The following CSMD1 variants were observed in gnomAD, a reference collection of about 807,000 sequenced individuals.
CSMD1 encodes the protein CUB and sushi domain-containing protein 1.
CSMD1 carries 213 observed loss-of-function variants against 417.5 expected under a neutral mutation model. The ratio of observed to expected loss-of-function variants is 0.51; its 90% CI spans 0.46 to 0.57. The LOEUF (loss-of-function observed/expected upper bound fraction) is 0.57. CSMD1 is among the 20% of genes least tolerant of loss of function. CSMD1 has a pLI of 0.00. For missense variants in CSMD1, 6,923 were observed against 4,529.7 expected, an observed-to-expected ratio of 1.53 and a Z score of -15.17; for synonymous variants, 2,862 against 1,736.8, an observed-to-expected ratio of 1.65 and a Z score of -16.11.
chr8:3,476,731 A>G lies in CSMD1; in HGVS notation c.1449-7907T>C, dbSNP rs141046620. 1.9e-3 allele frequency among the ~76,000 whole-genome samples: 291 copies of G among 152,070 alleles called. 1 individual carries two copies. Among genetic ancestry groups the G allele is most frequent in the Non-Finnish European group, 3.2e-3 (215 of 68,004 alleles). The stretch of plus-strand genomic sequence containing the variant: ...TCAGGAGTTCGAGACCAGCCTGGCC[A>G]ACATGATCAAACTCCATCTCTACTA... On this transcript the variant is annotated intron_variant, in intron 11 of 69. Coordinates refer to ENST00000635120, the MANE Select transcript of CSMD1 (RefSeq NM_033225.6).
At chr8:3,972,791 A>C (rs1191580815) in intron 5 of CSMD1, among the ~76,000 whole-genome samples, 1 of 152,218 alleles carries the variant, frequency 6.6e-6, no homozygotes, top group African/African-American at 2.4e-5. Flanking sequence ...ACATTTTAGG[A>C]ATCTATTTTA....
chr8:4,384,698 C>A (rs780472631), intron 3 of CSMD1, among the ~76,000 whole-genome samples: 1 of 152,070 alleles, frequency 6.6e-6, no homozygotes, highest in Non-Finnish European at 1.5e-5. Context: ...GTGGGCCTTT[C>A]CCAGGGCCAA....
intron 36 of CSMD1, among the ~76,000 whole-genome samples, chr8:3,185,554 A>C (rs1317076161): frequency 6.6e-6 from 1 of 152,230 alleles, no homozygotes; most frequent in Non-Finnish European, 1.5e-5. Flanking sequence ...CTCTTTTGAA[A>C]AATTAACCTA....
At chr8:3,230,012 A>G in intron 27 of CSMD1, 28 bp downstream of exon 27, 1 of 1,467,182 alleles carries the variant, frequency 6.8e-7, no homozygotes, top group Non-Finnish European at 9.1e-7. Flanking sequence ...TCCTGAATAT[A>G]AAATTTCTAA....
intron 18 of CSMD1, among the ~76,000 whole-genome samples, chr8:3,377,103 G>A (rs1223505485): frequency 3.3e-5 from 5 of 151,962 alleles, no homozygotes; most frequent in Non-Finnish European, 7.4e-5. Flanking sequence ...TGACCACCTG[G>A]GCTCAAGTGA....
At chr8:4,856,200 A>C (rs1461687257) in intron 1 of CSMD1, among the ~76,000 whole-genome samples, 2 of 66,442 alleles carry the variant, frequency 3.0e-5, no homozygotes, top group African/African-American at 8.1e-5. Context: ...AATCCTTTGC[A>C]GACAAGCAAA....
At chr8:4,582,162 G>C (rs544897970) in intron 2 of CSMD1, among the ~76,000 whole-genome samples, 1 of 151,866 alleles carries the variant, frequency 6.6e-6, no homozygotes, top group Admixed American at 6.6e-5. Flanking sequence ...TGGCATGTCT[G>C]TAGTGAAAAT....
At chr8:4,420,202 T>C (rs1797169607) in intron 2 of CSMD1, 137 bp from the exon 3 acceptor site, 2 of 531,212 alleles carry the variant, frequency 3.8e-6, no homozygotes, top group Non-Finnish European at 6.8e-6. Context: ...AGATAATCCA[T>C]ACACATAGCT....
At chr8:3,995,543 G>A (rs185022357) in intron 5 of CSMD1, among the ~76,000 whole-genome samples, 1 of 152,160 alleles carries the variant, frequency 6.6e-6, no homozygotes, top group Non-Finnish European at 1.5e-5. Flanking sequence ...ACTGACTGAG[G>A]GGCTATACAT....
intron 17 of CSMD1, among the ~76,000 whole-genome samples, chr8:3,394,021 T>A (rs1185906771): frequency 0.32 from 31,844 of 100,828 alleles, 6,377 homozygotes; most frequent in African/African-American, 0.4. Flanking sequence ...ATTATATATA[T>A]ATATATATAT....
Position 4,669,839 on chromosome 8 carries a change from T to C in CSMD1, c.86-32281A>G, listed in dbSNP as rs145297350. On this transcript the variant is annotated intron_variant, in intron 1 of 69. Transcript: ENST00000635120. The stretch of plus-strand genomic sequence containing the variant: ...TTGGAAAGACATCCAAGAAGAATGG[T>C]TTCTTAGCCAAATCACAGAACTCCT... Among the ~76,000 whole-genome samples, 678 of 152,272 alleles carry C rather than the reference T, an allele frequency of 4.5e-3. 4 individuals carry two copies. The highest frequency in any genetic ancestry group is 0.016 in the African/African-American group (661 of 41,550).
At chr8:3,993,161 T>C (rs993121491) in intron 5 of CSMD1, among the ~76,000 whole-genome samples, 5 of 152,228 alleles carry the variant, frequency 3.3e-5, no homozygotes, top group Non-Finnish European at 7.3e-5. Context: ...TTATGTAAGA[T>C]GTTCACATGA....
intron 10 of CSMD1, among the ~76,000 whole-genome samples, chr8:3,526,349 T>G (rs184149594): frequency 6.6e-6 from 1 of 152,246 alleles, no homozygotes; most frequent in East Asian, 1.9e-4. Context: ...ACACTCCAAA[T>G]CCCTTTGGTG....
intron 25 of CSMD1, among the ~76,000 whole-genome samples, chr8:3,300,206 G>T (rs1804280897): frequency 6.6e-6 from 1 of 151,974 alleles, no homozygotes; most frequent in Non-Finnish European, 1.5e-5. Flanking sequence ...TAAATGTTCA[G>T]AATAACATGG....
chr8:3,167,077 G>C lies in CSMD1; in HGVS notation c.5726-4800C>G, dbSNP rs373283514. ...CAAGGCAGGTGGATCACAAGGTCAAGAGTTCCAGAGCAGCCTGGTCAACAT... is the reference window on the plus strand; with the variant it reads ...CAAGGCAGGTGGATCACAAGGTCAACAGTTCCAGAGCAGCCTGGTCAACAT... On this transcript the variant is annotated intron_variant, in intron 37 of 69. Coordinates refer to ENST00000635120, the MANE Select transcript of CSMD1 (RefSeq NM_033225.6). Among the ~76,000 whole-genome samples the C allele has an allele frequency of 2.6e-5, 4 of 152,274 alleles. No homozygotes were observed. In the East Asian group the frequency reaches 7.7e-4, roughly 29 times the overall value.
chr8:3,595,511 G>A (rs903017877), intron 8 of CSMD1, among the ~76,000 whole-genome samples: 2 of 152,148 alleles, frequency 1.3e-5, no homozygotes, highest in Non-Finnish European at 2.9e-5. Context: ...AGGAAAGAAA[G>A]GAAACTAATA....
rs1585104619 is a variant in CSMD1 at position 3,997,977 on chromosome 8, C to A, written c.744G>T (p.Leu248=). Residue 248 remains leucine (L), a synonymous_variant, in exon 5 of 70, where the codon CTG becomes CTT. Transcript: ENST00000635120. ...ILAEPGDTIA[L]VFTDFQLEEG... ...CTTCTAGCTGAAAGTCAGTGAAGAC[C>A]AGCGCAATGGTGTCCCCGGGCTCAG... 3.1e-6 allele frequency: 5 copies of A among 1,611,170 alleles called. No homozygotes were observed. Among genetic ancestry groups the A allele is most frequent in the Non-Finnish European group, 4.2e-6 (5 of 1,178,618 alleles).
chr8:3,378,413 C>A (rs762884799), intron 18 of CSMD1, among the ~76,000 whole-genome samples: 3 of 152,114 alleles, frequency 2.0e-5, no homozygotes, highest in Non-Finnish European at 4.4e-5. Context: ...GCAGCATCAT[C>A]CTGATACCAA....
chr8:4,906,247 T>C (rs1805268130), intron 1 of CSMD1, among the ~76,000 whole-genome samples: 1 of 152,190 alleles, frequency 6.6e-6, no homozygotes, highest in African/African-American at 2.4e-5. Flanking sequence ...AAGATGACAC[T>C]TCCTGAACTC....
Sources: gnomAD v4.1 joint callset for allele counts (sites outside exome capture counted in the v4.1 genomes callset) on GRCh38, gnomAD v4.1.1 for gene constraint, MANE v1.5 for transcripts, NCBI Gene and HGNC (gene_info 2026-07-23, HGNC 2026-07-21) for gene names.